NFATC2: variants seen among roughly 807,000 people sequenced by gnomAD.
NFATC2 encodes the protein nuclear factor of activated T-cells, cytoplasmic 2.
A neutral mutation model predicts 87.3 loss-of-function variants in NFATC2; 22 were observed. That is an observed-to-expected ratio of 0.25 (90% CI 0.18 to 0.36). NFATC2 has a LOEUF of 0.36. NFATC2 is among the 10% of genes least tolerant of loss of function. The pLI, the probability that NFATC2 is intolerant of heterozygous loss-of-function variation, is 1.00. For missense variants in NFATC2, 1,149 were observed against 1,259.1 expected, an observed-to-expected ratio of 0.91 and a Z score of 1.32; for synonymous variants, 565 against 542.2, an observed-to-expected ratio of 1.04 and a Z score of -0.58.
rs910714495 is a variant in NFATC2, at chr20:51,519,322, G to T, written c.1161-2367C>A. On this transcript the variant is annotated intron_variant, in intron 2 of 10. Coordinates refer to ENST00000371564, the MANE Select transcript of NFATC2 (RefSeq NM_012340.5). ...TTTGGTTCCGAAGTAGGTATTTGATGCTGAAATACAATCTGAAGAAGTAGA... is the reference window on the plus strand; with the variant it reads ...TTTGGTTCCGAAGTAGGTATTTGATTCTGAAATACAATCTGAAGAAGTAGA... Among the ~76,000 whole-genome samples, 48 of 152,172 alleles carry T rather than the reference G, an allele frequency of 3.2e-4. 1 individual carries two copies. Among genetic ancestry groups the T allele is most frequent in the African/African-American group, 1.1e-3 (45 of 41,490 alleles).
rs113544483 is a variant in NFATC2, at chr20:51,537,206, G to A, written c.130+5164C>T. Among the ~76,000 whole-genome samples the A allele has an allele frequency of 7.4e-3, 1,117 of 151,226 alleles. 5 individuals carry two copies. Among genetic ancestry groups the A allele is most frequent in the Non-Finnish European group, 0.011 (779 of 67,854 alleles). ...TGCTGAGAAATGACATCAAAAGCAC[G>A]TGGGGGGATATGAGAGGGAGTGGAG... On this transcript the variant is annotated intron_variant, in intron 1 of 10. Transcript: ENST00000371564.
At chr20:51,410,698 A>G (rs1376915679) in intron 9 of NFATC2, among the ~76,000 whole-genome samples, 2 of 152,050 alleles carry the variant, frequency 1.3e-5, no homozygotes, top group Non-Finnish European at 2.9e-5. Context: ...CCCACCATAC[A>G]AGAGCTGGTA....
At chr20:51,532,818 T>C (rs570787580) in intron 1 of NFATC2, among the ~76,000 whole-genome samples, 47 of 152,310 alleles carry the variant, frequency 3.1e-4, no homozygotes, top group African/African-American at 1.1e-3. Flanking sequence ...AGGGAACCTC[T>C]GAGAGGCAGC....
intron 1 of NFATC2, among the ~76,000 whole-genome samples, chr20:51,548,670 C>T (rs915088708): frequency 3.3e-5 from 5 of 152,080 alleles, no homozygotes; most frequent in Non-Finnish European, 5.9e-5. Context: ...ATCTGGCAAC[C>T]CCAGCTGTAT....
intron 1 of NFATC2, among the ~76,000 whole-genome samples, chr20:51,527,857 T>C (rs2076569971): frequency 6.6e-6 from 1 of 151,966 alleles, no homozygotes; most frequent in Non-Finnish European, 1.5e-5. Context: ...TCCCAACCGT[T>C]TGGGAGACAG....
chr20:51,409,985 C>T (rs545315018), intron 9 of NFATC2, among the ~76,000 whole-genome samples: 9 of 151,990 alleles, frequency 5.9e-5, no homozygotes, highest in East Asian at 1.9e-4. Flanking sequence ...CTGAGGTGGG[C>T]GGATCACGAG....
chr20:51,404,040 A>C (rs1292075643), intron 9 of NFATC2, among the ~76,000 whole-genome samples: 1 of 152,166 alleles, frequency 6.6e-6, no homozygotes, highest in Non-Finnish European at 1.5e-5. Context: ...CAGGGGTTGA[A>C]CAAGGAGCAG....
At chr20:51,465,773 C>A (rs1394208824) in intron 5 of NFATC2, among the ~76,000 whole-genome samples, 1 of 152,022 alleles carries the variant, frequency 6.6e-6, no homozygotes, top group Non-Finnish European at 1.5e-5. Context: ...CATCATGACA[C>A]TTGGCTCTCA....
chr20:51,428,915 C>T (rs1323070527), intron 9 of NFATC2, among the ~76,000 whole-genome samples: 2 of 152,218 alleles, frequency 1.3e-5, no homozygotes, highest in African/African-American at 4.8e-5. Context: ...GCACGGGCCC[C>T]GTGCAGCCAA....
chr20:51,439,258 C>G (rs997098219), intron 6 of NFATC2, among the ~76,000 whole-genome samples: 2 of 152,186 alleles, frequency 1.3e-5, no homozygotes, highest in Non-Finnish European at 2.9e-5. Flanking sequence ...ACCTCGTATA[C>G]ATGGGCTTGT....
intron 9 of NFATC2, among the ~76,000 whole-genome samples, chr20:51,429,314 A>G (rs1982337047): frequency 6.6e-6 from 1 of 152,232 alleles, no homozygotes; most frequent in African/African-American, 2.4e-5. Context: ...GGGTGGGCAG[A>G]GCCTTGGAGA....
At chr20:51,464,005 T>C (rs763595990) in intron 5 of NFATC2, among the ~76,000 whole-genome samples, 9 of 151,994 alleles carry the variant, frequency 5.9e-5, no homozygotes, top group Admixed American at 5.2e-4. Context: ...TTTCCTCCAC[T>C]CACTCATCAG....
Position 51,542,403 on chromosome 20 carries a change from G to C in NFATC2, c.97C>G (p.Leu33Val). ...SPQDELDFSILFDYEYLNPNE... is the reference protein window; with the variant it reads ...SPQDELDFSIVFDYEYLNPNE... ...GGATTCAAATACTCATAGTCGAAGA[G>C]GATGGAGAAGTCAAGCTCGTCTTGG... The change falls in exon 1 of 11, where the codon CTC (leucine) becomes GTC (valine). Residue 33 changes from leucine (L) to valine (V), a missense_variant. Leu to Val is a conservative substitution (Grantham distance 32, BLOSUM62 1). Transcript: ENST00000371564. 7.5e-6 allele frequency: 12 copies of C among 1,606,160 alleles called. No individual in the cohort carries two copies. Among genetic ancestry groups the C allele is most frequent in the Non-Finnish European group, 1.0e-5 (12 of 1,176,288 alleles).
At position 51,506,570 on chromosome 20, in the gene NFATC2, C is replaced by T. The variant is rs575665761; in HGVS notation, c.1332+10214G>A. Among the ~76,000 whole-genome samples, 5 of 149,932 alleles carry T rather than the reference C, an allele frequency of 3.3e-5. No individual in the cohort carries two copies. In the South Asian group the frequency reaches 1.1e-3, roughly 33 times the overall value. The stretch of plus-strand genomic sequence containing the variant: ...CAACGGAGCTAGTGCCTTCCGAGGC[C>T]GTTAGGAGTCTCATTCATGGGACTA... On this transcript the variant is annotated intron_variant, in intron 3 of 10. Transcript: ENST00000371564.
upstream of NFATC2, among the ~76,000 whole-genome samples, chr20:51,545,607 A>G (rs933886691): frequency 6.6e-6 from 1 of 151,528 alleles, no homozygotes; most frequent in Non-Finnish European, 1.5e-5. Context: ...TGGATGGATG[A>G]ATAGATGGGT....
intron 9 of NFATC2, among the ~76,000 whole-genome samples, chr20:51,405,033 G>A (rs1317854022): frequency 6.6e-6 from 1 of 152,146 alleles, no homozygotes; most frequent in Non-Finnish European, 1.5e-5. Context: ...CTAGTAAAAG[G>A]GGCTCACTGG....
At chr20:51,416,251 G>A (rs1380176042) in intron 9 of NFATC2, among the ~76,000 whole-genome samples, 1 of 152,044 alleles carries the variant, frequency 6.6e-6, no homozygotes, top group East Asian at 1.9e-4. Context: ...GAGAGAGAGT[G>A]AGACTCTGTC....
chr20:51,527,043 T>C (rs1183080987), intron 1 of NFATC2, among the ~76,000 whole-genome samples: 3 of 151,750 alleles, frequency 2.0e-5, no homozygotes, highest in Non-Finnish European at 4.4e-5. Context: ...GGACTACCAG[T>C]GCACACCACC....
chr20:51,499,533 A>T (rs1350775735), intron 3 of NFATC2, among the ~76,000 whole-genome samples: 5 of 152,114 alleles, frequency 3.3e-5, no homozygotes, highest in African/African-American at 1.2e-4. Flanking sequence ...TGGGTGGATC[A>T]CTTGAGGCCA....
Sources: allele counts gnomAD v4.1 joint callset (sites outside exome capture counted in the v4.1 genomes callset), GRCh38; gene constraint gnomAD v4.1.1; transcripts MANE v1.5; gene names NCBI Gene and HGNC (gene_info 2026-07-23, HGNC 2026-07-21).